Variants in REDIC1 observed in about 807,000 individuals in gnomAD.
The protein encoded by REDIC1 is regulator of DNA class I crossover intermediates 1, also known as HEI10 Interacting Protein 1.
the REDIC1 span, among the ~76,000 whole-genome samples, chr12:39,698,123 A>C: frequency 6.6e-6 from 1 of 152,202 alleles, no homozygotes; most frequent in African/African-American, 2.4e-5. Flanking sequence ...ATATTAGACA[A>C]ATTTCAAGAC....
At chr12:39,775,901 C>G in the REDIC1 span, among the ~76,000 whole-genome samples, 1 of 152,182 alleles carries the variant, frequency 6.6e-6, no homozygotes, top group African/African-American at 2.4e-5. Flanking sequence ...CACCCCTAAT[C>G]TGAAATCCAA....
At chr12:39,792,473 C>T in the REDIC1 span, among the ~76,000 whole-genome samples, 2 of 152,118 alleles carry the variant, frequency 1.3e-5, no homozygotes, top group African/African-American at 4.8e-5. Flanking sequence ...TCTTTGAAAT[C>T]TGGCATGTAT....
At chr12:39,737,253 T>C in the REDIC1 span, among the ~76,000 whole-genome samples, 4 of 152,238 alleles carry the variant, frequency 2.6e-5, no homozygotes, top group African/African-American at 9.6e-5. Flanking sequence ...TTGGATTGGT[T>C]TACATTTCCC....
At chr12:39,755,475 CATCAAGTGAT>C in the REDIC1 span, 1 of 152,062 alleles carries the variant, frequency 6.6e-6, no homozygotes, top group Non-Finnish European at 1.5e-5. Flanking sequence ...GATACTTTAA[CATCAAGTGAT>C]ATATAGTCCA....
chr12:39,730,014 A>C, the REDIC1 span, among the ~76,000 whole-genome samples: 1 of 152,014 alleles, frequency 6.6e-6, no homozygotes, highest in Non-Finnish European at 1.5e-5. Flanking sequence ...TTGCTTGGTA[A>C]ATATTCCTCC....
chr12:39,721,046 G>A, the REDIC1 span: 1 of 1,613,624 alleles, frequency 6.2e-7, no homozygotes, highest in African/African-American at 1.3e-5. Flanking sequence ...AATGATAACT[G>A]CGTTCTGCAG....
chr12:39,700,063 C>A, the REDIC1 span, among the ~76,000 whole-genome samples: 1 of 152,202 alleles, frequency 6.6e-6, no homozygotes, highest in African/African-American at 2.4e-5. Context: ...CAGTTCCTCA[C>A]CAGCAACGGA....
At chr12:39,895,537 T>G in the REDIC1 span, among the ~76,000 whole-genome samples, 1 of 106,156 alleles carries the variant, frequency 9.4e-6, no homozygotes, top group Non-Finnish European at 1.9e-5. Context: ...TATATATATA[T>G]ATATATATAT....
chr12:39,908,112 T>C, the REDIC1 span: 1 of 152,022 alleles, frequency 6.6e-6, no homozygotes, highest in African/African-American at 2.4e-5. Context: ...ACTTTTTCTC[T>C]TAATTTATTC....
At chr12:39,695,771 G>A in the REDIC1 span, among the ~76,000 whole-genome samples, 4 of 152,248 alleles carry the variant, frequency 2.6e-5, no homozygotes, top group African/African-American at 9.6e-5. Context: ...GCAGTAGCCA[G>A]GTAGTGGTTA....
the REDIC1 span, among the ~76,000 whole-genome samples, chr12:39,872,298 G>A: frequency 6.6e-6 from 1 of 152,108 alleles, no homozygotes; most frequent in African/African-American, 2.4e-5. Flanking sequence ...ACATAATAAG[G>A]TTATGTTATA....
chr12:39,700,426 T>G, the REDIC1 span, among the ~76,000 whole-genome samples: 1 of 152,116 alleles, frequency 6.6e-6, no homozygotes, highest in Non-Finnish European at 1.5e-5. Flanking sequence ...CCAAGAAATA[T>G]GGGACTATGT....
chr12:39,646,028 T>G, the REDIC1 span, among the ~76,000 whole-genome samples: 1 of 152,092 alleles, frequency 6.6e-6, no homozygotes, highest in East Asian at 1.9e-4. Context: ...TATATAGTAC[T>G]GTGGGAATAT....
the REDIC1 span, among the ~76,000 whole-genome samples, chr12:39,767,300 A>AT: frequency 3.0e-4 from 7 of 23,378 alleles, no homozygotes; most frequent in African/African-American, 4.3e-4. Context: ...TTTGAAAGGA[A>AT]TCTTTTTTTT....
the REDIC1 span, among the ~76,000 whole-genome samples, chr12:39,636,596 C>T: frequency 6.6e-6 from 1 of 151,918 alleles, no homozygotes; most frequent in South Asian, 2.1e-4. Flanking sequence ...TTTTCATTTG[C>T]TAATTATTGG....
chr12:39,693,158 T>C, the REDIC1 span, among the ~76,000 whole-genome samples: 1 of 152,154 alleles, frequency 6.6e-6, no homozygotes, highest in Non-Finnish European at 1.5e-5. Flanking sequence ...GTGTCCTGGA[T>C]ACTGACTGCT....
At chr12:39,694,113 C>A in the REDIC1 span, among the ~76,000 whole-genome samples, 3 of 152,238 alleles carry the variant, frequency 2.0e-5, no homozygotes, top group Non-Finnish European at 4.4e-5. Context: ...TCTATTATAT[C>A]TTTTGCCCCC....
At chr12:39,741,298 T>TA in the REDIC1 span, among the ~76,000 whole-genome samples, 10 of 151,358 alleles carry the variant, frequency 6.6e-5, no homozygotes, top group South Asian at 2.1e-4. Context: ...TCCTCTCCTT[T>TA]AAAAAAAAAT....
the REDIC1 span, among the ~76,000 whole-genome samples, chr12:39,828,796 A>C: frequency 6.6e-6 from 1 of 152,118 alleles, no homozygotes; most frequent in African/African-American, 2.4e-5. Flanking sequence ...TTAATCAATT[A>C]ACTCACTAAC....
Sources: gnomAD v4.1 joint callset for allele counts (sites outside exome capture counted in the v4.1 genomes callset) on GRCh38, gnomAD v4.1.1 for gene constraint, MANE v1.5 for transcripts, NCBI Gene and HGNC (gene_info 2026-07-23, HGNC 2026-07-21) for gene names.